TLL1: variants seen among roughly 807,000 people sequenced by gnomAD.
TLL1 encodes the protein tolloid like 1, also known as tolloid-like protein 1.
A neutral mutation model predicts 128.2 loss-of-function variants in TLL1; 49 were observed. The ratio of observed to expected loss-of-function variants is 0.38; its 90% CI spans 0.30 to 0.48. The LOEUF (loss-of-function observed/expected upper bound fraction) is 0.48, where lower values mean the gene tolerates loss of function less well. Among genes scored for constraint, TLL1 ranks in the 20% least tolerant of loss-of-function variants. TLL1 has a pLI of 0.96. For synonymous variants in TLL1, 454 were observed against 418.8 expected (o/e 1.08, Z -1.03); for missense variants, 1,123 against 1,242.0 (o/e 0.90, Z 1.44).
At position 166,030,880 on chromosome 4, in the gene TLL1, T is replaced by G. The variant is rs141587160; in HGVS notation, c.1158+5449T>G. 158 of 988,056 alleles carry G rather than the reference T, an allele frequency of 1.6e-4. 2 individuals are homozygous for G. The East Asian group carries it at 0.016, about 99-fold the overall frequency. The allele number at this position is 988,056 out of a possible 1,614,324, so 61.2% of individuals were successfully genotyped here. On this transcript the variant is annotated intron_variant, in intron 9 of 20. Coordinates refer to ENST00000061240, the MANE Select transcript of TLL1 (RefSeq NM_012464.5). Reference sequence around the variant, plus strand: ...TGTTTGAAAATGTGGATTTTTTACATGAATTTATAAAACTATAGTTTCACT... The same window carrying G: ...TGTTTGAAAATGTGGATTTTTTACAGGAATTTATAAAACTATAGTTTCACT...
chr4:166,064,108 G>A (rs1489620158), intron 15 of TLL1, among the ~76,000 whole-genome samples: 8 of 151,870 alleles, frequency 5.3e-5, no homozygotes, highest in African/African-American at 1.9e-4. Context: ...GTTTTATAAT[G>A]AGAAAGACTG....
rs1481480963 is a variant in TLL1, at chr4:165,876,760, C to T, written c.169+2687C>T. ...AGTCTGGCTGTATTTGACAATTACA[C>T]TGCATTCTTAGTTGGCCTTTTGGAG... is the stretch of plus-strand genomic sequence containing the variant. On this transcript the variant is annotated intron_variant, in intron 1 of 20. Coordinates refer to ENST00000061240, the MANE Select transcript of TLL1 (RefSeq NM_012464.5). 3.3e-5 allele frequency among the ~76,000 whole-genome samples: 5 copies of T among 152,334 alleles called. No individual in the cohort carries two copies. In the East Asian group the frequency reaches 9.6e-4, roughly 29 times the overall value.
intron 9 of TLL1, among the ~76,000 whole-genome samples, chr4:166,039,047 A>C (rs1024479290): frequency 6.6e-6 from 1 of 152,144 alleles, no homozygotes; most frequent in East Asian, 1.9e-4. Flanking sequence ...TTTGCTTTAC[A>C]ATTGTCCAGA....
At chr4:166,004,418 G>A (rs776779474) in intron 6 of TLL1, among the ~76,000 whole-genome samples, 1 of 151,880 alleles carries the variant, frequency 6.6e-6, no homozygotes, top group Non-Finnish European at 1.5e-5. Context: ...ATTATTTATT[G>A]AGCCAATGTT....
chr4:165,972,764 G>A (rs1239314085), intron 1 of TLL1, among the ~76,000 whole-genome samples: 1 of 152,082 alleles, frequency 6.6e-6, no homozygotes, highest in Non-Finnish European at 1.5e-5. Flanking sequence ...ATTCCATCAT[G>A]TCCATTGTGG....
At chr4:166,073,283 G>A (rs917397603) in intron 16 of TLL1, among the ~76,000 whole-genome samples, 7 of 152,148 alleles carry the variant, frequency 4.6e-5, no homozygotes, top group African/African-American at 9.6e-5. Context: ...AGGAAGTATC[G>A]TTTACTGTCC....
chr4:165,999,674 A>G (rs1737060548), intron 5 of TLL1, among the ~76,000 whole-genome samples: 1 of 150,944 alleles, frequency 6.6e-6, no homozygotes. Flanking sequence ...AGGTTTCACC[A>G]TGTTGCCCAG....
intron 1 of TLL1, among the ~76,000 whole-genome samples, chr4:165,875,818 T>C (rs1314780099): frequency 6.6e-6 from 1 of 152,148 alleles, no homozygotes; most frequent in East Asian, 1.9e-4. Context: ...CTGTGAAAGA[T>C]TCAAGCAGAT....
intron 8 of TLL1, among the ~76,000 whole-genome samples, chr4:166,018,884 A>G (rs1313537279): frequency 1.3e-5 from 2 of 152,234 alleles, no homozygotes; most frequent in East Asian, 3.9e-4. Flanking sequence ...GCCATATTGG[A>G]AAGCAATTTG....
chr4:166,029,603 A>G (rs772205214), intron 9 of TLL1, among the ~76,000 whole-genome samples: 7 of 151,996 alleles, frequency 4.6e-5, no homozygotes, highest in Non-Finnish European at 8.8e-5. Flanking sequence ...TGTGAAACAG[A>G]TCTCCAGAAC....
Position 165,873,884 on chromosome 4 carries a change from C to T in TLL1, c.-21C>T, listed in dbSNP as rs766555728. ...CCTAACCTCTGGGTCCCGTCCCCTCCTTTTCCTCCGGGGGAGGAGGATGGG... is the reference window on the plus strand; with the variant it reads ...CCTAACCTCTGGGTCCCGTCCCCTCTTTTTCCTCCGGGGGAGGAGGATGGG... On this transcript the variant is annotated 5_prime_UTR_variant, in exon 1 of 21. Coordinates refer to ENST00000061240, the MANE Select transcript of TLL1 (RefSeq NM_012464.5). 3 of 1,613,168 alleles carry T rather than the reference C, an allele frequency of 1.9e-6. No individual in the cohort carries two copies. Among genetic ancestry groups the T allele is most frequent in the African/African-American group, 1.3e-5 (1 of 74,906 alleles).
chr4:166,075,076 G>A, intron 17 of TLL1, 73 bp downstream of exon 17: 2 of 1,590,574 alleles, frequency 1.3e-6, no homozygotes, highest in Non-Finnish European at 1.7e-6. Context: ...CTGCTTCCAA[G>A]TAGAGTTAAT....
intron 12 of TLL1, 95 bp downstream of exon 12, chr4:166,043,514 G>C: frequency 1.3e-6 from 2 of 1,564,194 alleles, no homozygotes; most frequent in Non-Finnish European, 1.8e-6. Context: ...GAAACAGAGA[G>C]TCAGCCTTTT....
At position 165,962,117 on chromosome 4, in the gene TLL1, C is replaced by T. The variant is rs144336743; in HGVS notation, c.170-27264C>T. On this transcript the variant is annotated intron_variant, in intron 1 of 20. Transcript: ENST00000061240. ...AAGAGCTTCTGAACAAAAAGAGAAA[C>T]TGTCAACAGAGTAAACAAGAAGCTT... Among the ~76,000 whole-genome samples, 1,194 of 152,212 alleles carry T rather than the reference C, an allele frequency of 7.8e-3. 15 individuals are homozygous for T. Among genetic ancestry groups the T allele is most frequent in the African/African-American group, 0.026 (1,093 of 41,556 alleles).
chr4:165,877,117 A>G (rs987336392), intron 1 of TLL1, among the ~76,000 whole-genome samples: 4 of 152,372 alleles, frequency 2.6e-5, no homozygotes, highest in South Asian at 4.1e-4. Flanking sequence ...TAAAAGTTAC[A>G]CTATCCTCAA....
intron 16 of TLL1, among the ~76,000 whole-genome samples, chr4:166,066,527 A>G (rs767772213): frequency 1.1e-4 from 17 of 151,886 alleles, no homozygotes; most frequent in African/African-American, 2.2e-4. Flanking sequence ...AATAAACCTT[A>G]GTATAGCAAT....
At chr4:165,876,467 T>A (rs1236701857) in intron 1 of TLL1, among the ~76,000 whole-genome samples, 1 of 152,162 alleles carries the variant, frequency 6.6e-6, no homozygotes, top group East Asian at 1.9e-4. Flanking sequence ...AATAACAGAT[T>A]GGAGGGCATG....
intron 16 of TLL1, among the ~76,000 whole-genome samples, chr4:166,067,394 T>A (rs1460098296): frequency 1.3e-5 from 2 of 151,814 alleles, no homozygotes; most frequent in East Asian, 3.9e-4. Context: ...ATTCGTGTCC[T>A]TAGAAACAGT....
chr4:166,064,137 T>C (rs1186827152), intron 15 of TLL1, among the ~76,000 whole-genome samples: 2 of 152,126 alleles, frequency 1.3e-5, no homozygotes, highest in Admixed American at 6.6e-5. Flanking sequence ...CATTTTAACA[T>C]ACTTTACATG....
Sources: allele counts gnomAD v4.1 joint callset (sites outside exome capture counted in the v4.1 genomes callset), GRCh38; gene constraint gnomAD v4.1.1; transcripts MANE v1.5; gene names NCBI Gene and HGNC (gene_info 2026-07-23, HGNC 2026-07-21).